The following ABCC4 variants were observed in gnomAD, a reference collection of about 807,000 sequenced individuals.
ABCC4 encodes ATP-binding cassette sub-family C member 4.
In ABCC4, 102 loss-of-function variants were observed where a neutral mutation model predicts 168.5. The observed-to-expected ratio is 0.61, with a 90% CI of 0.52 to 0.71. The LOEUF (loss-of-function observed/expected upper bound fraction) is 0.71. Ranked by LOEUF, ABCC4 falls within the 30% of genes least tolerant of loss-of-function variation. The pLI, the probability that ABCC4 is intolerant of heterozygous loss-of-function variation, is 0.00. For missense variants in ABCC4, 1,402 were observed against 1,605.8 expected (o/e 0.87, Z 2.17); for synonymous variants, 617 against 590.7 (o/e 1.04, Z -0.65).
chr13:95,206,670 G>A lies in ABCC4; in HGVS notation c.1023C>T (p.Leu341=), dbSNP rs202164252. The change falls in exon 8 of 31, where the codon CTC becomes CTT. Residue 341 remains leucine (L), a synonymous_variant. Coordinates refer to ENST00000645237, the MANE Select transcript of ABCC4 (RefSeq NM_005845.5). ...IVFVTFTTYV[L]LGSVITASRV... is the part of the protein sequence containing the mutation. Reference sequence around the variant, plus strand: ...GGCTGGCTGTGATCACACTGCCGAGGAGCACGTAGGTGGTGAAGGTCACAA... The same window carrying A: ...GGCTGGCTGTGATCACACTGCCGAGAAGCACGTAGGTGGTGAAGGTCACAA... 7 of 1,614,186 alleles carry A rather than the reference G, an allele frequency of 4.3e-6. No homozygotes were observed. Among genetic ancestry groups the A allele is most frequent in the Non-Finnish European group, 5.9e-6 (7 of 1,180,032 alleles).
At chr13:95,036,881 T>C (rs7981429) in intron 29 of ABCC4, among the ~76,000 whole-genome samples, 149,245 of 152,106 alleles carry the variant, frequency 0.98, 73,292 homozygotes, top group Middle Eastern at 1. Context: ...GCCAGGAGTT[T>C]GAAACCAGCC....
At chr13:95,259,662 CTA>C (rs1232824917) in intron 1 of ABCC4, among the ~76,000 whole-genome samples, 2 of 152,154 alleles carry the variant, frequency 1.3e-5, no homozygotes, top group Non-Finnish European at 2.9e-5. Flanking sequence ...TCTGGACAGG[CTA>C]TAGAATCTTA....
At chr13:95,190,529 T>C (rs1277360130) in intron 9 of ABCC4, among the ~76,000 whole-genome samples, 1 of 152,144 alleles carries the variant, frequency 6.6e-6, no homozygotes, top group Non-Finnish European at 1.5e-5. Context: ...CCTCTTCTCA[T>C]ACAAGGACAA....
At chr13:95,202,300 A>G (rs1183708975) in intron 8 of ABCC4, among the ~76,000 whole-genome samples, 1 of 152,166 alleles carries the variant, frequency 6.6e-6, no homozygotes, top group East Asian at 1.9e-4. Context: ...GTCACCTCCA[A>G]GTTGCGTGAG....
At chr13:95,115,428 C>A (rs1379468164) in intron 20 of ABCC4, among the ~76,000 whole-genome samples, 2 of 150,054 alleles carry the variant, frequency 1.3e-5, no homozygotes, top group African/African-American at 4.9e-5. Context: ...CTCTATTGTC[C>A]TTGTTAATAA....
At chr13:95,135,910 T>C (rs895158161) in intron 19 of ABCC4, among the ~76,000 whole-genome samples, 2 of 152,192 alleles carry the variant, frequency 1.3e-5, no homozygotes, top group African/African-American at 4.8e-5. Flanking sequence ...TCTCATAAAC[T>C]ATAGAAATAT....
chr13:95,153,551 T>C (rs2036761818), intron 19 of ABCC4, among the ~76,000 whole-genome samples: 1 of 152,180 alleles, frequency 6.6e-6, no homozygotes. Flanking sequence ...TTTAACACAG[T>C]TAAGTAAAAT....
At chr13:95,180,705 A>G (rs1156611249) in intron 11 of ABCC4, among the ~76,000 whole-genome samples, 1 of 152,210 alleles carries the variant, frequency 6.6e-6, no homozygotes, top group African/African-American at 2.4e-5. Context: ...GATGGTCTTT[A>G]TATAATGTGT....
rs1288179468 is a variant in ABCC4 at position 95,176,166 on chromosome 13, C to T, written c.1727+1541G>A. Among the ~76,000 whole-genome samples the T allele has an allele frequency of 1.3e-4, 18 of 134,296 alleles. 1 individual carries two copies. Among genetic ancestry groups the T allele is most frequent in the African/African-American group, 4.3e-4 (15 of 34,496 alleles). The allele number at this position is 134,296 out of a possible 152,430, so 88.1% of individuals were successfully genotyped here. A position where few individuals can be genotyped will look rare whatever the true frequency, so the allele number is the denominator to read the frequency against. On this transcript the variant is annotated intron_variant, in intron 13 of 30. Coordinates refer to ENST00000645237, the MANE Select transcript of ABCC4 (RefSeq NM_005845.5). ...TCTTCCATTTAAAAAAAAAGATTGT[C>T]GTATGCCAGGTGTAGGGGCTCACAC...
chr13:95,284,143 G>C (rs1362751051), intron 1 of ABCC4, among the ~76,000 whole-genome samples: 1 of 152,066 alleles, frequency 6.6e-6, no homozygotes, highest in African/African-American at 2.4e-5. Context: ...TGGGAGGCAG[G>C]TTTTTTGTTT....
intron 29 of ABCC4, among the ~76,000 whole-genome samples, chr13:95,042,881 C>T (rs558314579): frequency 7.9e-5 from 12 of 152,290 alleles, no homozygotes; most frequent in African/African-American, 2.6e-4. Flanking sequence ...CAAATCCCAA[C>T]AAGAAGTCTA....
chr13:95,269,431 AAAAAT>A (rs2040780351), intron 1 of ABCC4: 2 of 172,516 alleles, frequency 1.2e-5, no homozygotes, highest in African/African-American at 8.9e-5. Context: ...ATCTCAAAAA[AAAAAT>A]ATATATATAT....
At chr13:95,236,205 A>G (rs1265875356) in intron 3 of ABCC4, among the ~76,000 whole-genome samples, 7 of 152,180 alleles carry the variant, frequency 4.6e-5, no homozygotes, top group Non-Finnish European at 7.3e-5. Context: ...CCCCCAACAA[A>G]GAAAACCAAA....
Position 95,163,164 on chromosome 13 carries a change from T to C in ABCC4, c.2266A>G (p.Thr756Ala). 6.2e-7 allele frequency: 1 copy of C among 1,613,672 alleles called. No individual in the cohort carries two copies. The highest frequency in any genetic ancestry group is 8.5e-7 in the Non-Finnish European group (1 of 1,179,674). The stretch of plus-strand genomic sequence containing the variant: ...TACCAGTTAAGATCTAGCTTCTCGG[T>C]TACATTTCCTCCTCCATTTACAGTG... Reference protein sequence around the residue: ...NVTVNGGGNVTEKLDLNWYLG... With the variant: ...NVTVNGGGNVAEKLDLNWYLG... Residue 756 changes from threonine to alanine, a missense_variant, in exon 18 of 31, where the codon ACC (threonine) becomes GCC (alanine). Around this residue, in one of 3 missense-constraint regions of ABCC4, gnomAD observed 1,007 missense variants for 1,127.3 expected, o/e 0.89. Transcript: ENST00000645237.
intron 21 of ABCC4, among the ~76,000 whole-genome samples, chr13:95,079,741 A>G (rs530775921): frequency 1.3e-5 from 2 of 152,306 alleles, no homozygotes; most frequent in East Asian, 1.9e-4. Context: ...AAGCTGAGAC[A>G]GGAGAATTTC....
At chr13:95,265,325 G>A (rs2040641129) in intron 1 of ABCC4, among the ~76,000 whole-genome samples, 1 of 151,614 alleles carries the variant, frequency 6.6e-6, no homozygotes, top group Non-Finnish European at 1.5e-5. Flanking sequence ...CTGTCAGGTT[G>A]AATTATTTCA....
intron 27 of ABCC4, among the ~76,000 whole-genome samples, chr13:95,050,248 C>T (rs950793904): frequency 3.3e-5 from 5 of 152,204 alleles, no homozygotes; most frequent in Admixed American, 1.3e-4. Context: ...TCAGACTCCA[C>T]GGACCCCAGG....
chr13:95,190,793 C>T (rs2038227928), intron 9 of ABCC4, among the ~76,000 whole-genome samples: 2 of 152,156 alleles, frequency 1.3e-5, no homozygotes, highest in Non-Finnish European at 2.9e-5. Flanking sequence ...CTGAATTTCT[C>T]GTGGATAGAT....
At chr13:95,049,880 G>A (rs1017705221) in intron 27 of ABCC4, among the ~76,000 whole-genome samples, 2 of 152,164 alleles carry the variant, frequency 1.3e-5, no homozygotes, top group Non-Finnish European at 2.9e-5. Context: ...AACTGACAGT[G>A]CTGTCCTAAT....
Sources: gnomAD v4.1 joint callset for allele counts (sites outside exome capture counted in the v4.1 genomes callset) on GRCh38, gnomAD v4.1.1 for gene constraint, gnomAD v4.1.1 regional missense constraint, MANE v1.5 for transcripts, NCBI Gene and HGNC (gene_info 2026-07-23, HGNC 2026-07-21) for gene names.